The following DMXL2 variants were observed in gnomAD, a reference collection of about 807,000 sequenced individuals.
The protein encoded by DMXL2 is Dmx like 2, also known as dmX-like protein 2.
A neutral mutation model predicts 331.1 loss-of-function variants in DMXL2; 103 were observed. The observed-to-expected ratio is 0.31, with a 90% CI of 0.27 to 0.37. The LOEUF is 0.37. DMXL2 is among the 10% of genes least tolerant of loss of function. DMXL2 has a pLI of 1.00. For missense variants in DMXL2, 3,171 were observed against 3,642.9 expected (o/e 0.87, Z 3.33); for synonymous variants, 1,281 against 1,252.1 (o/e 1.02, Z -0.49).
chr15:51,474,368 G>A lies in DMXL2; in HGVS notation c.7189C>T (p.Arg2397Ter). Reference sequence around the variant, plus strand: ...CCTGAAATATTTTCTGATTGTCTTCGAGGTTTCACAACAAGTTTTACACCG... The same window carrying A: ...CCTGAAATATTTTCTGATTGTCTTCAAGGTTTCACAACAAGTTTTACACCG... ...GGGVKLVVKP[R>*]RQSENISAPP... The change falls in exon 28 of 44, where the codon CGA becomes TGA. Residue 2397 changes from arginine to a stop codon, truncating the protein, a stop_gained. Coordinates refer to ENST00000560891, the MANE Select transcript of DMXL2 (RefSeq NM_001378457.1). LOFTEE classifies it high-confidence loss of function. 1 of 1,608,440 alleles carries A rather than the reference G, an allele frequency of 6.2e-7. No individual in the cohort carries two copies. The highest frequency in any genetic ancestry group is 8.5e-7 in the Non-Finnish European group (1 of 1,175,492).
intron 1 of DMXL2, among the ~76,000 whole-genome samples, chr15:51,579,498 G>T (rs1325293262): frequency 6.6e-6 from 1 of 152,116 alleles, no homozygotes; most frequent in Non-Finnish European, 1.5e-5. Context: ...ATACTGAATG[G>T]TTCATCAGAG....
At chr15:51,513,633 G>A (rs2046880316) in intron 15 of DMXL2, among the ~76,000 whole-genome samples, 1 of 152,118 alleles carries the variant, frequency 6.6e-6, no homozygotes, top group African/African-American at 2.4e-5. Flanking sequence ...ATTTCGTGAT[G>A]AAGACTACAC....
chr15:51,492,234 G>A (rs2042857380), intron 19 of DMXL2, among the ~76,000 whole-genome samples: 1 of 152,212 alleles, frequency 6.6e-6, no homozygotes. Flanking sequence ...AAAGTGTGGT[G>A]AAAGCTTTAT....
Position 51,466,302 on chromosome 15 carries a change from G to A in DMXL2, c.7402C>T (p.Pro2468Ser), listed in dbSNP as rs2040563522. 3 of 1,378,824 alleles carry A rather than the reference G, an allele frequency of 2.2e-6. No homozygotes were observed. The highest frequency in any genetic ancestry group is 3.0e-5 in the African/African-American group (2 of 66,554). The allele number at this position is 1,378,824 out of a possible 1,614,324, so 85.4% of individuals were successfully genotyped here. ...TATATAACACCACTATCAGACAAAG[G>A]AAGAAATGGCTGCAATAAAAGGTAA... ...WDYFVAKPFL[P>S]LSDSGVIYDS... Residue 2468 changes from proline (P) to serine (S), a missense_variant, in exon 30 of 44, where the codon CCT becomes TCT. Pro to Ser is a moderately conservative substitution (Grantham distance 74). Transcript: ENST00000560891.
chr15:51,481,803 C>T (rs1425385416), intron 23 of DMXL2, among the ~76,000 whole-genome samples, 180 bp from the exon 24 acceptor site: 2 of 152,128 alleles, frequency 1.3e-5, no homozygotes, highest in East Asian at 3.9e-4. Context: ...AAGAATTTCC[C>T]AATATGCTAC....
chr15:51,519,977 T>A (rs2047264000), intron 13 of DMXL2, among the ~76,000 whole-genome samples: 1 of 152,156 alleles, frequency 6.6e-6, no homozygotes, highest in South Asian at 2.1e-4. Context: ...AACTCCTATG[T>A]TGAGAACAGA....
chr15:51,616,409 G>A (rs567760874), intron 1 of DMXL2, among the ~76,000 whole-genome samples: 1 of 152,220 alleles, frequency 6.6e-6, no homozygotes, highest in South Asian at 2.1e-4. Flanking sequence ...AAGAAGTGCA[G>A]GCAACTGGTT....
chr15:51,510,783 C>G (rs2046709290), intron 15 of DMXL2, among the ~76,000 whole-genome samples: 1 of 152,190 alleles, frequency 6.6e-6, no homozygotes, highest in Non-Finnish European at 1.5e-5. Context: ...CGCTACCTGA[C>G]TTCAAACTAT....
chr15:51,449,686 T>C (rs556451807), intron 43 of DMXL2, among the ~76,000 whole-genome samples: 82 of 152,292 alleles, frequency 5.4e-4, no homozygotes, highest in African/African-American at 1.9e-3. Flanking sequence ...TTTTCAACTT[T>C]AACAATATTT....
rs2041030287 is a variant in DMXL2, at chr15:51,470,802, A to G, written c.7392+421T>C. Among the ~76,000 whole-genome samples, 3 of 152,162 alleles carry G rather than the reference A, an allele frequency of 2.0e-5. No individual in the cohort carries two copies. The South Asian group carries it at 6.2e-4, about 32-fold the overall frequency. The stretch of plus-strand genomic sequence containing the variant: ...CTGAGAAGTTTCCTTTGCGCTGGGA[A>G]AACAGAGATGTATCATGGGGCCTCA... On this transcript the variant is annotated intron_variant, in intron 29 of 43. Coordinates refer to ENST00000560891, the MANE Select transcript of DMXL2 (RefSeq NM_001378457.1).
intron 25 of DMXL2, 119 bp from the exon 26 acceptor site, chr15:51,478,466 G>A (rs1198229662): frequency 5.1e-6 from 4 of 782,378 alleles, no homozygotes; most frequent in Non-Finnish European, 8.4e-6. Context: ...CTGAATCCTA[G>A]ATGAGACTAC....
At chr15:51,512,041 G>C (rs140705296) in intron 15 of DMXL2, among the ~76,000 whole-genome samples, 2 of 152,058 alleles carry the variant, frequency 1.3e-5, no homozygotes, top group Non-Finnish European at 2.9e-5. Context: ...GGGCCTGTTG[G>C]GGGGTGGGGG....
intron 41 of DMXL2, 95 bp from the exon 42 acceptor site, chr15:51,451,792 T>C (rs1049704514): frequency 5.7e-5 from 62 of 1,092,760 alleles, no homozygotes; most frequent in Middle Eastern, 2.9e-4. Context: ...ATTTTGCTTA[T>C]TCATTCTTAT....
chr15:51,491,428 C>T (rs149478471), intron 20 of DMXL2, 150 bp downstream of exon 20: 37 of 675,822 alleles, frequency 5.5e-5, no homozygotes, highest in African/African-American at 1.1e-4. Context: ...GCGACAAGAG[C>T]GAAATTCCAT....
chr15:51,600,846 G>T (rs993788011), intron 1 of DMXL2, among the ~76,000 whole-genome samples: 1 of 152,090 alleles, frequency 6.6e-6, no homozygotes, highest in Non-Finnish European at 1.5e-5. Flanking sequence ...ACTATCTCAT[G>T]AAAGACAGAC....
chr15:51,595,259 C>T (rs2052711633), intron 1 of DMXL2, among the ~76,000 whole-genome samples: 1 of 152,208 alleles, frequency 6.6e-6, no homozygotes, highest in South Asian at 2.1e-4. Context: ...AAATCACAAG[C>T]ATTCTTATAT....
intron 27 of DMXL2, among the ~76,000 whole-genome samples, chr15:51,476,210 T>C (rs2041568491): frequency 6.6e-6 from 1 of 152,112 alleles, no homozygotes; most frequent in South Asian, 2.1e-4. Context: ...CCTACCCCAA[T>C]ACATAAATTT....
At chr15:51,594,301 A>C (rs892391020) in intron 1 of DMXL2, among the ~76,000 whole-genome samples, 16 of 152,180 alleles carry the variant, frequency 1.1e-4, no homozygotes, top group African/African-American at 4.8e-5. Flanking sequence ...ACACAAATAA[A>C]CTAGAAAATC....
chr15:51,533,392 C>A (rs935167155), intron 13 of DMXL2, among the ~76,000 whole-genome samples: 1 of 151,994 alleles, frequency 6.6e-6, no homozygotes, highest in Non-Finnish European at 1.5e-5. Context: ...TATTATAAAA[C>A]CTTGAGGAAC....
Sources: allele counts gnomAD v4.1 joint callset (sites outside exome capture counted in the v4.1 genomes callset), GRCh38; gene constraint gnomAD v4.1.1; transcripts MANE v1.5; gene names NCBI Gene and HGNC (gene_info 2026-07-23, HGNC 2026-07-21).